KCND3: variants seen among roughly 807,000 people sequenced by gnomAD.
KCND3 encodes the protein potassium voltage-gated channel subfamily D member 3, also known as A-type voltage-gated potassium channel KCND3.
A neutral mutation model predicts 51.1 loss-of-function variants in KCND3; 9 were observed. That is an observed-to-expected ratio of 0.18 (90% CI 0.11 to 0.31). The LOEUF is 0.31. KCND3 is among the 10% of genes least tolerant of loss of function. The pLI, the probability that KCND3 is intolerant of heterozygous loss-of-function variation, is 1.00. For missense variants in KCND3, 526 were observed against 903.8 expected, an observed-to-expected ratio of 0.58 and a Z score of 5.36; for synonymous variants, 349 against 368.0, an observed-to-expected ratio of 0.95 and a Z score of 0.59.
chr1:111,972,373 C>T (rs867266614), intron 2 of KCND3, among the ~76,000 whole-genome samples: 22 of 151,924 alleles, frequency 1.4e-4, no homozygotes, highest in African/African-American at 4.1e-4. Flanking sequence ...GGGGTTTCAC[C>T]GTTTTAGCCG....
In KCND3 at chr1:111,980,884, G is replaced by C. The variant is rs946179483; in HGVS notation, c.1106+737C>G. On this transcript the variant is annotated intron_variant, in intron 2 of 7. Transcript: ENST00000302127. ...TCACCGAGCACCTGTCCCTCCTTCTGATGATATTGCTGCTTCTGTGTCTGA... is the reference window on the plus strand; with the variant it reads ...TCACCGAGCACCTGTCCCTCCTTCTCATGATATTGCTGCTTCTGTGTCTGA... Among the ~76,000 whole-genome samples, 3 of 152,172 alleles carry C rather than the reference G, an allele frequency of 2.0e-5. No homozygotes were observed. The East Asian group carries it at 5.8e-4, about 29-fold the overall frequency.
Position 111,775,315 on chromosome 1 carries a change from G to A in KCND3, c.*762C>T, listed in dbSNP as rs1664061273. ...GTAAGCAGAGAGGTACAGAGACAAG[G>A]GAGACAGGGACAGACAAAGGGTAAG... On this transcript the variant is annotated 3_prime_UTR_variant, in exon 8 of 8. Transcript: ENST00000302127. The A allele has an allele frequency of 6.5e-6, 1 of 153,496 alleles. No individual in the cohort carries two copies. The allele number at this position is 153,496 out of a possible 1,614,324, so 9.5% of individuals were successfully genotyped here.
intron 2 of KCND3, among the ~76,000 whole-genome samples, chr1:111,968,346 G>C (rs3008540): frequency 0.19 from 28,741 of 151,938 alleles, 2,834 homozygotes; most frequent in East Asian, 0.25. Flanking sequence ...AAGAGAAATG[G>C]GCCACAGAAG....
chr1:111,918,904 T>A (rs1295982923), intron 2 of KCND3, among the ~76,000 whole-genome samples: 1 of 152,004 alleles, frequency 6.6e-6, no homozygotes, highest in Middle Eastern at 3.4e-3. Flanking sequence ...TTTTTACATC[T>A]TAAATGACTG....
intron 2 of KCND3, among the ~76,000 whole-genome samples, chr1:111,857,487 G>A (rs867246819): frequency 7.2e-5 from 11 of 152,134 alleles, no homozygotes; most frequent in African/African-American, 2.7e-4. Context: ...CAGTACAGCC[G>A]GGAGAAGTAA....
At chr1:111,891,792 T>C (rs1380253990) in intron 2 of KCND3, among the ~76,000 whole-genome samples, 1 of 152,242 alleles carries the variant, frequency 6.6e-6, no homozygotes, top group East Asian at 1.9e-4. Flanking sequence ...AATTGGTATC[T>C]GTACTTAGTT....
chr1:111,884,159 C>T (rs945138125), intron 2 of KCND3, among the ~76,000 whole-genome samples: 5 of 152,134 alleles, frequency 3.3e-5, no homozygotes, highest in African/African-American at 7.2e-5. Flanking sequence ...GAGGACTGGT[C>T]GGCCACTATA....
At chr1:111,846,943 G>T (rs1667576988) in intron 2 of KCND3, among the ~76,000 whole-genome samples, 1 of 152,180 alleles carries the variant, frequency 6.6e-6, no homozygotes, top group Non-Finnish European at 1.5e-5. Flanking sequence ...CTCCTACTGG[G>T]TCTCCCTCAC....
At chr1:111,966,201 T>A (rs760771487) in intron 2 of KCND3, among the ~76,000 whole-genome samples, 7 of 152,228 alleles carry the variant, frequency 4.6e-5, no homozygotes. Context: ...GATCATTTAA[T>A]GGTTGGTTTC....
At chr1:111,850,025 C>G (rs767249327) in intron 2 of KCND3, among the ~76,000 whole-genome samples, 1 of 152,168 alleles carries the variant, frequency 6.6e-6, no homozygotes, top group African/African-American at 2.4e-5. Flanking sequence ...AGCCTACCTT[C>G]TTGCCTAGGT....
At chr1:111,805,979 G>A (rs1665550748) in intron 2 of KCND3, among the ~76,000 whole-genome samples, 1 of 152,204 alleles carries the variant, frequency 6.6e-6, no homozygotes, top group Non-Finnish European at 1.5e-5. Context: ...GAGGAACACT[G>A]TGGTTCCCCT....
In KCND3 at chr1:111,939,002, A is replaced by G. The variant is rs370817920; in HGVS notation, c.1106+42619T>C. ...ATCATTCTTTAGATTCTGGCTGCTC[A>G]ATGTGTGGTTCCCAGACCAGCAGAA... On this transcript the variant is annotated intron_variant, in intron 2 of 7. Coordinates refer to ENST00000302127, the MANE Select transcript of KCND3 (RefSeq NM_001378969.1). Among the ~76,000 whole-genome samples the G allele has an allele frequency of 5.9e-4, 90 of 152,330 alleles. 2 individuals carry two copies. In the South Asian group the frequency reaches 0.018, roughly 30 times the overall value.
intron 2 of KCND3, among the ~76,000 whole-genome samples, chr1:111,826,541 C>A (rs1666582678): frequency 6.6e-6 from 1 of 152,274 alleles, no homozygotes; most frequent in Non-Finnish European, 1.5e-5. Context: ...CAAAGACATG[C>A]AGGTCTCAGG....
chr1:111,824,226 C>T (rs1666476166), intron 2 of KCND3, among the ~76,000 whole-genome samples: 1 of 151,872 alleles, frequency 6.6e-6, no homozygotes, highest in African/African-American at 2.4e-5. Context: ...GACAGCTCCA[C>T]GTGGAGAGCA....
chr1:111,958,923 G>A (rs538601919), intron 2 of KCND3, among the ~76,000 whole-genome samples: 24 of 152,310 alleles, frequency 1.6e-4, no homozygotes, highest in Middle Eastern at 3.4e-3. Flanking sequence ...CATATGCCAT[G>A]TTCTCCAGCT....
intron 2 of KCND3, among the ~76,000 whole-genome samples, chr1:111,906,446 C>T (rs1014456640): frequency 6.6e-6 from 1 of 152,220 alleles, no homozygotes; most frequent in African/African-American, 2.4e-5. Flanking sequence ...TTCTGACCTC[C>T]TGCCATTTCG....
chr1:111,866,653 G>C (rs527269138), intron 2 of KCND3, among the ~76,000 whole-genome samples: 1 of 149,980 alleles, frequency 6.7e-6, no homozygotes, highest in South Asian at 2.1e-4. Context: ...GTTATTTTGG[G>C]TCACAAACGA....
intron 2 of KCND3, among the ~76,000 whole-genome samples, chr1:111,858,994 G>C (rs1356858924): frequency 6.6e-6 from 1 of 152,220 alleles, no homozygotes; most frequent in Non-Finnish European, 1.5e-5. Context: ...GGGACCAGCA[G>C]CACAATAGCT....
chr1:111,927,207 C>A (rs572243460), intron 2 of KCND3, among the ~76,000 whole-genome samples: 1 of 152,320 alleles, frequency 6.6e-6, no homozygotes, highest in Non-Finnish European at 1.5e-5. Flanking sequence ...TTAGGACCAA[C>A]GAGATGGGGC....
Sources: allele counts gnomAD v4.1 joint callset (sites outside exome capture counted in the v4.1 genomes callset), GRCh38; gene constraint gnomAD v4.1.1; transcripts MANE v1.5; gene names NCBI Gene and HGNC (gene_info 2026-07-23, HGNC 2026-07-21).